Variants in SAFB2 observed in about 807,000 individuals in gnomAD.
SAFB2 encodes scaffold attachment factor B2.
SAFB2 carries 32 observed loss-of-function variants against 100.6 expected under a neutral mutation model. The observed-to-expected ratio is 0.32, with a 90% CI of 0.24 to 0.43. SAFB2 has a LOEUF of 0.43. SAFB2 is among the 20% of genes least tolerant of loss of function. SAFB2 has a pLI of 1.00. For synonymous variants in SAFB2, 500 were observed against 439.4 expected (o/e 1.14, Z -1.72); for missense variants, 1,185 against 1,163.4 (o/e 1.02, Z -0.27).
intron 4 of SAFB2, among the ~76,000 whole-genome samples, chr19:5,615,536 C>T (rs1286058543): frequency 3.3e-5 from 5 of 149,978 alleles, no homozygotes; most frequent in African/African-American, 7.4e-5. Flanking sequence ...AGTGAGATCC[C>T]GCCTCTAAAA....
chr19:5,612,693 CA>C, intron 5 of SAFB2, 126 bp from the exon 6 acceptor site: 2 of 727,616 alleles, frequency 2.7e-6, no homozygotes, highest in Non-Finnish European at 4.7e-6. Flanking sequence ...TTCTTGTCTC[CA>C]AAAAATGTAT....
chr19:5,612,676 C>A, intron 5 of SAFB2, 109 bp from the exon 6 acceptor site: 1 of 848,530 alleles, frequency 1.2e-6, no homozygotes, highest in Non-Finnish European at 1.9e-6. Context: ...CCTGTTTCCA[C>A]AAAACTTTCT....
Position 5,593,883 on chromosome 19 carries a change from G to T in SAFB2, c.2207+8C>A. ...CTCCGTCCTGCCCACGCTCTGGGCG[G>T]GACTCACCGGTCCAGGTCGTAGGGC... On this transcript the variant is annotated splice_region_variant and intron_variant, in intron 15 of 20. Coordinates refer to ENST00000252542, the MANE Select transcript of SAFB2 (RefSeq NM_014649.3). 6.7e-7 allele frequency: 1 copy of T among 1,484,510 alleles called. No individual in the cohort carries two copies. The highest frequency in any genetic ancestry group is 8.9e-7 in the Non-Finnish European group (1 of 1,127,694). The allele number at this position is 1,484,510 out of a possible 1,614,324, so 92.0% of individuals were successfully genotyped here. A position where few individuals can be genotyped will look rare whatever the true frequency, so the allele number is the denominator to read the frequency against.
At chr19:5,589,930 G>C (rs1342159680) in intron 18 of SAFB2, among the ~76,000 whole-genome samples, 1 of 152,150 alleles carries the variant, frequency 6.6e-6, no homozygotes, top group Non-Finnish European at 1.5e-5. Context: ...GCAGGGGCGA[G>C]GCTGCTCTAC....
chr19:5,605,140 T>C (rs2052746695), intron 9 of SAFB2, among the ~76,000 whole-genome samples: 1 of 151,998 alleles, frequency 6.6e-6, no homozygotes, highest in Admixed American at 6.6e-5. Flanking sequence ...AGTTTCGCTC[T>C]GTCACCCAGG....
At chr19:5,618,131 A>T (rs2053070899) in intron 2 of SAFB2, among the ~76,000 whole-genome samples, 1 of 152,164 alleles carries the variant, frequency 6.6e-6, no homozygotes, top group Non-Finnish European at 1.5e-5. Flanking sequence ...AGTAAGACCG[A>T]GTCTCTCTAA....
intron 4 of SAFB2, among the ~76,000 whole-genome samples, chr19:5,615,555 A>AT (rs1187266546): frequency 1.2e-3 from 187 of 150,684 alleles, no homozygotes; most frequent in African/African-American, 4.3e-3. Context: ...AAAAAAAAAA[A>AT]TTTTTTTTTA....
rs1053792840 is a variant in SAFB2, at chr19:5,611,766, G to C, written c.635-136C>G. 4.6e-5 allele frequency: 25 copies of C among 538,590 alleles called. No homozygotes were observed. In the East Asian group the frequency reaches 5.8e-4, roughly 13 times the overall value. The allele number at this position is 538,590 out of a possible 1,614,324, so 33.4% of individuals were successfully genotyped here. On this transcript the variant is annotated intron_variant, in intron 6 of 20. Transcript: ENST00000252542. ...GCTACACAGAGATTGGAAAACCCGC[G>C]GGTACACAAAGTTATACTGGTTACA...
intron 18 of SAFB2, among the ~76,000 whole-genome samples, chr19:5,588,231 G>A (rs895492509): frequency 2.6e-5 from 4 of 152,004 alleles, no homozygotes; most frequent in Admixed American, 2.0e-4. Flanking sequence ...CCCCCTGGCT[G>A]GGATGCTAGA....
chr19:5,591,521 A>G, intron 17 of SAFB2: 1 of 486,744 alleles, frequency 2.1e-6, no homozygotes, highest in South Asian at 2.7e-5. Flanking sequence ...CTTGTGATCC[A>G]CCCACCTCAG....
At chr19:5,607,261 A>G (rs1431114260) in intron 9 of SAFB2, among the ~76,000 whole-genome samples, 2 of 152,218 alleles carry the variant, frequency 1.3e-5, no homozygotes, top group African/African-American at 4.8e-5. Context: ...ACTCCGTCTC[A>G]AAAACAAACA....
At chr19:5,613,689 G>A in intron 4 of SAFB2, 162 bp from the exon 5 acceptor site, 2 of 985,386 alleles carry the variant, frequency 2.0e-6, no homozygotes, top group Non-Finnish European at 2.4e-6. Context: ...CTCTCCGCCA[G>A]AACACACACT....
chr19:5,618,433 A>G (rs806710), intron 2 of SAFB2, among the ~76,000 whole-genome samples: 104,244 of 152,126 alleles, frequency 0.69, 36,052 homozygotes, highest in East Asian at 0.87. Context: ...ACTCACCACT[A>G]TTATCAATAA....
At chr19:5,598,928 C>T (rs1568213984) in intron 12 of SAFB2, 44 bp from the exon 13 acceptor site, 1 of 1,585,428 alleles carries the variant, frequency 6.3e-7, no homozygotes. Flanking sequence ...TGTGGACGCC[C>T]CAACTTCCCG....
At position 5,587,153 on chromosome 19, in the gene SAFB2, C is replaced by G. The variant is rs931043940; in HGVS notation, c.*90G>C. 6.5e-7 allele frequency: 1 copy of G among 1,546,216 alleles called. No homozygotes were observed. The highest frequency in any genetic ancestry group is 8.8e-7 in the Non-Finnish European group (1 of 1,137,586). On this transcript the variant is annotated 3_prime_UTR_variant, in exon 21 of 21. Coordinates refer to ENST00000252542, the MANE Select transcript of SAFB2 (RefSeq NM_014649.3). This position sits in a 1 kb window ranked among gnomAD's most constrained non-coding sequence, Gnocchi z 4.9. ...CAACATGGTGGCAGGATTTACTTTG[C>G]TTTTAAAAAGATCCCCCAAGTTCGA...
At chr19:5,600,291 T>G in intron 11 of SAFB2, 31 bp from the exon 12 acceptor site, 14 of 1,608,342 alleles carry the variant, frequency 8.7e-6, no homozygotes, top group Non-Finnish European at 1.2e-5. Context: ...CAAATTTGAG[T>G]TCACAAGACT....
Position 5,611,437 on chromosome 19 carries a change from T to C in SAFB2, c.828A>G (p.Ser276=), listed in dbSNP as rs1315065297. ...EEGDLDLASE[S]TAHAQSSKAD... ...CCTTGCTCGACTGAGCGTGTGCTGTTGACTCGCTGGCCAAATCTAAATCAC... is the reference window on the plus strand; with the variant it reads ...CCTTGCTCGACTGAGCGTGTGCTGTCGACTCGCTGGCCAAATCTAAATCAC... Residue 276 remains serine, a synonymous_variant, in exon 7 of 21, where the codon TCA becomes TCG. Coordinates refer to ENST00000252542, the MANE Select transcript of SAFB2 (RefSeq NM_014649.3). The C allele has an allele frequency of 2.7e-6, 1 of 374,656 alleles. No individual in the cohort carries two copies. Among genetic ancestry groups the C allele is most frequent in the Admixed American group, 6.0e-5 (1 of 16,578 alleles). The allele number at this position is 374,656 out of a possible 1,614,324, so 23.2% of individuals were successfully genotyped here. A position where few individuals can be genotyped will look rare whatever the true frequency, so the allele number is the denominator to read the frequency against.
At chr19:5,613,862 A>G in intron 4 of SAFB2, 1 of 466,220 alleles carries the variant, frequency 2.1e-6, no homozygotes, top group South Asian at 9.2e-5. Flanking sequence ...ACTCAAAATG[A>G]TAAAATGCAC....
intron 11 of SAFB2, among the ~76,000 whole-genome samples, chr19:5,601,299 G>C (rs2052650875): frequency 6.6e-6 from 1 of 152,168 alleles, no homozygotes; most frequent in Non-Finnish European, 1.5e-5. Flanking sequence ...GTCAATCACT[G>C]GGTCTGCCTG....
Sources: gnomAD v4.1 joint callset for allele counts (sites outside exome capture counted in the v4.1 genomes callset) on GRCh38, gnomAD v4.1.1 for gene constraint, Gnocchi (gnomAD v3.1) non-coding constraint, MANE v1.5 for transcripts, NCBI Gene and HGNC (gene_info 2026-07-23, HGNC 2026-07-21) for gene names.